PCDHA2: variants seen among roughly 807,000 people sequenced by gnomAD.
PCDHA2 encodes the protein protocadherin alpha 2.
A neutral mutation model predicts 66.0 loss-of-function variants in PCDHA2; 58 were observed. The observed-to-expected ratio is 0.88, with a 90% CI of 0.71 to 1.09. The LOEUF (loss-of-function observed/expected upper bound fraction) is 1.09. PCDHA2 is among the 50% of genes least tolerant of loss of function. The pLI is 0.00. For synonymous variants in PCDHA2, 634 were observed against 554.0 expected, an observed-to-expected ratio of 1.14 and a Z score of -2.03; for missense variants, 1,267 against 1,242.3, an observed-to-expected ratio of 1.02 and a Z score of -0.30.
At chr5:140,908,041 G>T (rs2073758972) in intron 1 of PCDHA2, among the ~76,000 whole-genome samples, 1 of 152,112 alleles carries the variant, frequency 6.6e-6, no homozygotes, top group Non-Finnish European at 1.5e-5. Context: ...GTATATAATT[G>T]CACATCCGGC....
rs533936031 is a variant in PCDHA2, at chr5:140,883,438, G to A, written c.2388+86086G>A. 14 of 1,614,132 alleles carry A rather than the reference G, an allele frequency of 8.7e-6. No individual in the cohort carries two copies. The South Asian group carries it at 1.3e-4, about 15-fold the overall frequency. ...ATGGACAGGTCACCTGCACCTTGAC[G>A]CCGCATGTCCCCTTCAAGCTGGTGT... On this transcript the variant is annotated intron_variant, in intron 1 of 3. Coordinates refer to ENST00000526136, the MANE Select transcript of PCDHA2 (RefSeq NM_018905.3).
In PCDHA2 at chr5:140,795,533, A is replaced by G; in HGVS notation, c.569A>G (p.Glu190Gly). Residue 190 changes from glutamate (E) to glycine (G), a missense_variant, in exon 1 of 4, where the codon GAA (glutamate) becomes GGA (glycine). Physicochemically the swap from Glu to Gly is moderately conservative, Grantham distance 98. Coordinates refer to ENST00000526136, the MANE Select transcript of PCDHA2 (RefSeq NM_018905.3). ...ATACAGGCAAATGATGAACTAAGCG[A>G]ATCTTTGTCTCTCGTGCTGGGGAAA... ...LDIQANDELSESLSLVLGKSL... is the reference protein window; with the variant it reads ...LDIQANDELSGSLSLVLGKSL... 6.2e-7 allele frequency: 1 copy of G among 1,614,184 alleles called. No homozygotes were observed. The highest frequency in any genetic ancestry group is 8.5e-7 in the Non-Finnish European group (1 of 1,180,030).
chr5:140,978,140 T>C (rs1379052059), intron 1 of PCDHA2, among the ~76,000 whole-genome samples: 2 of 152,222 alleles, frequency 1.3e-5, no homozygotes, highest in Non-Finnish European at 2.9e-5. Flanking sequence ...ATTTTCCTCT[T>C]TGTTCTCCCC....
intron 1 of PCDHA2, chr5:140,966,627 C>G: frequency 6.3e-6 from 6 of 951,596 alleles, no homozygotes; most frequent in Non-Finnish European, 8.6e-6. Flanking sequence ...AGGGAGCGGC[C>G]CCAGGCGCTT....
chr5:140,809,720 T>C (rs2150017686), intron 1 of PCDHA2: 1 of 919,614 alleles, frequency 1.1e-6, no homozygotes, highest in Non-Finnish European at 1.6e-6. Flanking sequence ...TTTGGAATTA[T>C]AGGACATCAG....
At chr5:140,983,018 A>T (rs2097022598) in intron 3 of PCDHA2, among the ~76,000 whole-genome samples, 1 of 152,096 alleles carries the variant, frequency 6.6e-6, no homozygotes, top group African/African-American at 2.4e-5. Flanking sequence ...GGAAGGAAGG[A>T]AGGAAGATGG....
At chr5:140,822,873 G>A in intron 1 of PCDHA2, 4 of 1,614,214 alleles carry the variant, frequency 2.5e-6, no homozygotes, top group Non-Finnish European at 3.4e-6. Flanking sequence ...CACTCAGCAC[G>A]GTCATTGCTC....
chr5:140,945,715 A>G (rs145543790), intron 1 of PCDHA2, among the ~76,000 whole-genome samples: 3,564 of 152,270 alleles, frequency 0.023, 50 homozygotes, highest in Middle Eastern at 0.034. Context: ...AAAAGTATCA[A>G]GAATATACAA....
chr5:140,966,545 G>T (rs1554228431), intron 1 of PCDHA2: 1 of 465,862 alleles, frequency 2.1e-6, no homozygotes, highest in East Asian at 3.5e-5. Context: ...CGACTCGGAG[G>T]CGAGCGGAGG....
At chr5:140,925,690 G>GT (rs2082677818) in intron 1 of PCDHA2, among the ~76,000 whole-genome samples, 1 of 149,642 alleles carries the variant, frequency 6.7e-6, no homozygotes, top group African/African-American at 2.5e-5. Flanking sequence ...GCGAGGGTGG[G>GT]TATCTAGCCT....
At chr5:140,973,472 T>C (rs572763440) in intron 1 of PCDHA2, among the ~76,000 whole-genome samples, 3 of 152,220 alleles carry the variant, frequency 2.0e-5, no homozygotes, top group Non-Finnish European at 4.4e-5. Flanking sequence ...AGTTTGCAAA[T>C]TTCATATTGG....
At chr5:140,969,576 G>A (rs982215577) in intron 1 of PCDHA2, 3 of 984,900 alleles carry the variant, frequency 3.0e-6, no homozygotes, top group Admixed American at 2.9e-5. Flanking sequence ...TTTGAGAAGT[G>A]AGGATTAGTC....
chr5:140,860,276 G>T (rs1399451611), intron 1 of PCDHA2: 2 of 151,942 alleles, frequency 1.3e-5, no homozygotes, highest in South Asian at 2.1e-4. Flanking sequence ...TGCTACTTGG[G>T]AGGGTGAGGT....
chr5:140,927,702 C>T (rs533775539), intron 1 of PCDHA2: 2 of 1,614,210 alleles, frequency 1.2e-6, no homozygotes, highest in South Asian at 1.1e-5. Flanking sequence ...AAGTCCAGTA[C>T]TCCCTAAGCA....
intron 1 of PCDHA2, chr5:140,835,267 T>A (rs2150232922): frequency 8.1e-5 from 130 of 1,609,952 alleles, no homozygotes; most frequent in Non-Finnish European, 1.1e-4. Flanking sequence ...AAGTTCCACA[T>A]GGACCCCTTA....
chr5:140,796,963 G>A lies in PCDHA2; in HGVS notation c.1999G>A (p.Val667Met), dbSNP rs565650637. ...GTTGACAGCCACGGCCACCGTGTTA[G>A]TGTCGTTGGTGGAAAGTGGCCAGGC... is the stretch of plus-strand genomic sequence containing the variant. ...PALTATATVLVSLVESGQAPK... is the reference protein window; with the variant it reads ...PALTATATVLMSLVESGQAPK... Residue 667 changes from valine to methionine, a missense_variant, in exon 1 of 4, where the codon GTG becomes ATG. Physicochemically the swap from Val to Met is conservative, Grantham distance 21. Transcript: ENST00000526136. 43 of 1,613,862 alleles carry A rather than the reference G, an allele frequency of 2.7e-5. No homozygotes were observed. Among genetic ancestry groups the A allele is most frequent in the Admixed American group, 2.3e-4 (14 of 60,034 alleles).
intron 1 of PCDHA2, chr5:140,842,126 C>G (rs2150329833): frequency 6.2e-7 from 1 of 1,613,822 alleles, no homozygotes; most frequent in South Asian, 1.1e-5. Context: ...TGCTTCTGAT[C>G]CGGATGAAGG....
intron 1 of PCDHA2, among the ~76,000 whole-genome samples, chr5:140,963,398 G>C (rs1465736344): frequency 6.6e-6 from 1 of 152,220 alleles, no homozygotes; most frequent in Admixed American, 6.5e-5. Flanking sequence ...CTCCCTACTG[G>C]ATGCTGTAGA....
intron 1 of PCDHA2, among the ~76,000 whole-genome samples, chr5:140,977,637 T>C (rs1440093548): frequency 6.6e-6 from 1 of 152,228 alleles, no homozygotes; most frequent in Non-Finnish European, 1.5e-5. Flanking sequence ...TAACTTTTTC[T>C]GGGCCTTGAC....
Sources: allele counts gnomAD v4.1 joint callset (sites outside exome capture counted in the v4.1 genomes callset), GRCh38; gene constraint gnomAD v4.1.1; transcripts MANE v1.5; gene names NCBI Gene and HGNC (gene_info 2026-07-23, HGNC 2026-07-21).